ZNF468: variants seen among roughly 807,000 people sequenced by gnomAD.
The protein encoded by ZNF468 is zinc finger protein ZNF468.
Under a neutral mutation model 7.2 loss-of-function variants are expected in ZNF468, and 8 were observed. The observed-to-expected ratio is 1.11, with a 90% CI of 0.65 to 2.01. The LOEUF (loss-of-function observed/expected upper bound fraction) is 2.01, where lower values mean the gene tolerates loss of function less well. Among genes scored for constraint, ZNF468 ranks in the 30% most tolerant of loss-of-function variants. The pLI, the probability that ZNF468 is intolerant of heterozygous loss-of-function variation, is 0.00. For synonymous variants in ZNF468, 218 were observed against 214.4 expected, an observed-to-expected ratio of 1.02 and a Z score of -0.15; for missense variants, 608 against 626.5, an observed-to-expected ratio of 0.97 and a Z score of 0.31.
intron 1 of ZNF468, among the ~76,000 whole-genome samples, chr19:52,857,357 C>T (rs1780471794): frequency 6.6e-6 from 1 of 152,228 alleles, no homozygotes; most frequent in Admixed American, 6.5e-5. Context: ...GTATACATTG[C>T]CCTATGGCAG....
intron 3 of ZNF468, among the ~76,000 whole-genome samples, chr19:52,844,564 G>A (rs930659035): frequency 6.6e-6 from 1 of 151,838 alleles, no homozygotes; most frequent in African/African-American, 2.4e-5. Flanking sequence ...CTCAGCCCAG[G>A]GTCTCACTCT....
rs891839099 is a variant in ZNF468 at position 52,840,328 on chromosome 19, G to A, written c.*397C>T. On this transcript the variant is annotated 3_prime_UTR_variant, in exon 4 of 4. Coordinates refer to ENST00000595646, the MANE Select transcript of ZNF468 (RefSeq NM_001008801.2). The stretch of plus-strand genomic sequence containing the variant: ...CTATGAATTACAAGGTGTGAATTTT[G>A]ACCTTTTAATTACAAGGTGTGAATT... 1.3e-4 allele frequency: 58 copies of A among 434,424 alleles called. 1 individual carries two copies. Among genetic ancestry groups the A allele is most frequent in the African/African-American group, 1.1e-3 (53 of 49,014 alleles). 26.9% of individuals were successfully genotyped at this position (434,424 alleles called of 1,614,324 possible).
chr19:52,852,059 G>C (rs542032725), intron 2 of ZNF468, among the ~76,000 whole-genome samples: 3 of 152,108 alleles, frequency 2.0e-5, no homozygotes, highest in Non-Finnish European at 4.4e-5. Context: ...GGAGGAAAGA[G>C]AGGAGCAGAA....
At chr19:52,854,163 C>A (rs1432729726) in intron 2 of ZNF468, 95 bp downstream of exon 2, 2 of 1,605,584 alleles carry the variant, frequency 1.2e-6, no homozygotes, top group African/African-American at 2.7e-5. Flanking sequence ...GCAAACATGT[C>A]AGGCAGGTCA....
In ZNF468 at chr19:52,841,218, T is replaced by G. The variant is rs2063295626; in HGVS notation, c.1076A>C (p.Glu359Ala). Reference sequence around the variant, plus strand: ...TAGTCGATTAAAAACTTTGCCACATTCATTACATGTGTAAGGTTTCTCTCC... The same window carrying G: ...TAGTCGATTAAAAACTTTGCCACATGCATTACATGTGTAAGGTTTCTCTCC... The part of the protein sequence containing the change: ...HTGEKPYTCN[E>A]CGKVFNRLST... Residue 359 changes from glutamate (E) to alanine (A), a missense_variant, in exon 4 of 4, where the codon GAA becomes GCA. Physicochemically the swap from Glu to Ala is moderately radical, Grantham distance 107. Transcript: ENST00000595646. The G allele has an allele frequency of 6.2e-7, 1 of 1,613,490 alleles. No individual in the cohort carries two copies. The highest frequency in any genetic ancestry group is 1.3e-5 in the African/African-American group (1 of 74,862).
chr19:52,854,126 A>G, intron 2 of ZNF468, 132 bp downstream of exon 2: 1 of 1,585,334 alleles, frequency 6.3e-7, no homozygotes, highest in South Asian at 1.1e-5. Flanking sequence ...GATGAGAGGG[A>G]CTGAAGGAAG....
chr19:52,854,179 A>G, intron 2 of ZNF468, 79 bp downstream of exon 2: 1 of 1,610,824 alleles, frequency 6.2e-7, no homozygotes, highest in African/African-American at 1.3e-5. Flanking sequence ...GGTCATTCAG[A>G]CCCAGACATT....
intron 2 of ZNF468, among the ~76,000 whole-genome samples, chr19:52,851,049 G>T (rs2063385807): frequency 5.9e-5 from 9 of 152,054 alleles, no homozygotes; most frequent in Admixed American, 5.9e-4. Flanking sequence ...GAAGCAGACA[G>T]ATCACCTGAG....
intron 3 of ZNF468, among the ~76,000 whole-genome samples, 169 bp downstream of exon 3, chr19:52,848,918 A>G (rs563530528): frequency 9.2e-5 from 14 of 152,288 alleles, no homozygotes; most frequent in African/African-American, 3.4e-4. Context: ...AATGCAGAAC[A>G]TCTAAACAAA....
intron 2 of ZNF468, among the ~76,000 whole-genome samples, chr19:52,851,381 C>G (rs2063388784): frequency 6.6e-6 from 1 of 152,156 alleles, no homozygotes; most frequent in African/African-American, 2.4e-5. Context: ...TGGAAACCAT[C>G]TTGGCTAAAA....
rs1386176313 is a variant in ZNF468, at chr19:52,841,977, G to A, written c.317C>T (p.Thr106Ile). Residue 106 changes from threonine (T) to isoleucine (I), a missense_variant, in exon 4 of 4, where the codon ACA (threonine) becomes ATA (isoleucine). Thr to Ile is a moderately conservative substitution (Grantham distance 89). Coordinates refer to ENST00000595646, the MANE Select transcript of ZNF468 (RefSeq NM_001008801.2). The part of the protein sequence containing the change: ...GFEFQWKEDE[T>I]NGHAAPMTEI... ...TGTCATGGGTGCTGCATGGCCATTT[G>A]TTTCATCTTCTTTCCACTGAAACTC... 1 of 1,613,746 alleles carries A rather than the reference G, an allele frequency of 6.2e-7. No homozygotes were observed. Among genetic ancestry groups the A allele is most frequent in the Non-Finnish European group, 8.5e-7 (1 of 1,179,894 alleles).
At chr19:52,854,183 A>T in intron 2 of ZNF468, 75 bp downstream of exon 2, 1 of 1,611,312 alleles carries the variant, frequency 6.2e-7, no homozygotes, top group Non-Finnish European at 8.5e-7. Flanking sequence ...ATTCAGACCC[A>T]GACATTCCCA....
Position 52,841,311 on chromosome 19 carries a change from T to A in ZNF468, c.983A>T (p.Lys328Ile). 6.2e-7 allele frequency: 1 copy of A among 1,613,888 alleles called. No homozygotes were observed. The highest frequency in any genetic ancestry group is 8.5e-7 in the Non-Finnish European group (1 of 1,179,918). ...KRIHTGEKPY[K>I]CKVCDEAFAY... Reference sequence around the variant, plus strand: ...GAAAGCCTCATCACAAACCTTACATTTGTATGGTTTCTCTCCAGTATGAAT... The same window carrying A: ...GAAAGCCTCATCACAAACCTTACATATGTATGGTTTCTCTCCAGTATGAAT... Residue 328 changes from lysine to isoleucine, a missense_variant, in exon 4 of 4, where the codon AAA (lysine) becomes ATA (isoleucine). By Grantham distance (102) the Lys-to-Ile change is moderately radical. Coordinates refer to ENST00000595646, the MANE Select transcript of ZNF468 (RefSeq NM_001008801.2).
chr19:52,854,000 C>T, intron 2 of ZNF468: 4 of 1,486,264 alleles, frequency 2.7e-6, no homozygotes, highest in Non-Finnish European at 3.6e-6. Context: ...ACTGACACCA[C>T]AGGACCCTCA....
At chr19:52,843,138 A>C (rs1211756912) in intron 3 of ZNF468, among the ~76,000 whole-genome samples, 4 of 151,808 alleles carry the variant, frequency 2.6e-5, no homozygotes, top group Non-Finnish European at 5.9e-5. Context: ...AAAAAAAAAA[A>C]AAAGAAAATG....
intron 1 of ZNF468, among the ~76,000 whole-genome samples, chr19:52,856,671 A>T (rs371949728): frequency 1.4e-5 from 2 of 143,698 alleles, no homozygotes; most frequent in Non-Finnish European, 1.6e-5. Flanking sequence ...ATGAGCCTCC[A>T]CATTTCTGCC....
At chr19:52,842,712 A>G (rs2063314302) in intron 3 of ZNF468, among the ~76,000 whole-genome samples, 1 of 147,570 alleles carries the variant, frequency 6.8e-6, no homozygotes, top group South Asian at 2.2e-4. Context: ...GCTACTCCAG[A>G]GGCTGCGTCA....
chr19:52,844,621 C>T (rs1466340954), intron 3 of ZNF468, among the ~76,000 whole-genome samples: 2 of 152,104 alleles, frequency 1.3e-5, no homozygotes, highest in African/African-American at 4.8e-5. Flanking sequence ...TCACTGCAAC[C>T]TCCACCTCCA....
chr19:52,841,344 T>A lies in ZNF468; in HGVS notation c.950A>T (p.His317Leu), dbSNP rs779391270. ...VFSRKSHLER[H>L]KRIHTGEKPY... ...TTTCTCTCCAGTATGAATCCTCTTA[T>A]GTCTTTCAAGGTGTGATTTGCGACT... Residue 317 changes from histidine to leucine, a missense_variant, in exon 4 of 4, where the codon CAT becomes CTT. Coordinates refer to ENST00000595646, the MANE Select transcript of ZNF468 (RefSeq NM_001008801.2). 2 of 1,613,912 alleles carry A rather than the reference T, an allele frequency of 1.2e-6. No homozygotes were observed. The highest frequency in any genetic ancestry group is 1.3e-5 in the African/African-American group (1 of 74,926).
Sources: gnomAD v4.1 joint callset for allele counts (sites outside exome capture counted in the v4.1 genomes callset) on GRCh38, gnomAD v4.1.1 for gene constraint, MANE v1.5 for transcripts, NCBI Gene and HGNC (gene_info 2026-07-23, HGNC 2026-07-21) for gene names.